Variants in SCN10A observed in about 807,000 individuals in gnomAD.
SCN10A encodes sodium channel protein type 10 subunit alpha.
SCN10A carries 162 observed loss-of-function variants against 170.7 expected under a neutral mutation model. The observed-to-expected ratio is 0.95, with a 90% CI of 0.84 to 1.08. The LOEUF is 1.08. SCN10A is among the 50% of genes least tolerant of loss of function. The pLI, the probability that SCN10A is intolerant of heterozygous loss-of-function variation, is 0.00. For synonymous variants in SCN10A, 985 were observed against 904.6 expected, an observed-to-expected ratio of 1.09 and a Z score of -1.59; for missense variants, 2,527 against 2,436.9, an observed-to-expected ratio of 1.04 and a Z score of -0.78.
intron 1 of SCN10A, among the ~76,000 whole-genome samples, chr3:38,809,158 G>A (rs2064423990): frequency 6.6e-6 from 1 of 152,228 alleles, no homozygotes; most frequent in East Asian, 1.9e-4. Context: ...GGTTGACTTT[G>A]CAGTAGCAAA....
intron 1 of SCN10A, among the ~76,000 whole-genome samples, chr3:38,810,694 C>T (rs1444377951): frequency 1.3e-5 from 2 of 152,206 alleles, no homozygotes; most frequent in African/African-American, 4.8e-5. Flanking sequence ...TCTATGAGGG[C>T]AGACATGAAA....
At chr3:38,792,814 T>A (rs1010261404) in intron 2 of SCN10A, among the ~76,000 whole-genome samples, 3 of 152,100 alleles carry the variant, frequency 2.0e-5, no homozygotes, top group Admixed American at 2.0e-4. Context: ...ATGAAGAAGC[T>A]CTTGTTTAAA....
intron 5 of SCN10A, among the ~76,000 whole-genome samples, chr3:38,764,287 G>A (rs2063907881): frequency 6.6e-6 from 1 of 152,056 alleles, no homozygotes; most frequent in Middle Eastern, 3.2e-3. Flanking sequence ...ATTCTTTAAC[G>A]CTGATTTCTG....
At chr3:38,711,688 A>G in intron 23 of SCN10A, among the ~76,000 whole-genome samples, 1 of 152,248 alleles carries the variant, frequency 6.6e-6, no homozygotes, top group Admixed American at 6.5e-5. Flanking sequence ...ATGAACAGGT[A>G]GATGAAGGCA....
intron 1 of SCN10A, among the ~76,000 whole-genome samples, chr3:38,801,500 T>G (rs955928838): frequency 1.3e-5 from 2 of 152,186 alleles, no homozygotes; most frequent in Non-Finnish European, 2.9e-5. Context: ...TTACAATCTC[T>G]GGGGCAGGTC....
intron 15 of SCN10A, among the ~76,000 whole-genome samples, chr3:38,738,309 G>A (rs2063592706): frequency 6.6e-6 from 1 of 152,122 alleles, no homozygotes; most frequent in South Asian, 2.1e-4. Flanking sequence ...TAGGTGAAAT[G>A]GAGTCATCTT....
In SCN10A at chr3:38,726,990, C is replaced by T. The variant is rs142531478; in HGVS notation, c.2703G>A (p.Pro901=). 5.2e-5 allele frequency: 84 copies of T among 1,614,210 alleles called. No homozygotes were observed. The highest frequency in any genetic ancestry group is 1.8e-4 in the Admixed American group (11 of 60,028). The part of the protein sequence containing the change: ...NSFSADNLTA[P]EDDGEVNNLQ... ...GGTTGTTCACCTCCCCATCGTCCTC[C>T]GGGGCTGTGAGGTTGTCAGCACTGA... Residue 901 remains proline (P), a synonymous_variant, in exon 17 of 28, where the codon CCG becomes CCA. Coordinates refer to ENST00000449082, the MANE Select transcript of SCN10A (RefSeq NM_006514.4).
chr3:38,757,486 C>T (rs573274989), intron 8 of SCN10A, among the ~76,000 whole-genome samples: 1 of 152,308 alleles, frequency 6.6e-6, no homozygotes, highest in South Asian at 2.1e-4. Context: ...AGACTTAAAA[C>T]CTGAGCCTGT....
chr3:38,806,394 T>C (rs1018430684), intron 1 of SCN10A, among the ~76,000 whole-genome samples: 5 of 152,148 alleles, frequency 3.3e-5, no homozygotes, highest in South Asian at 2.1e-4. Context: ...TATCACATGA[T>C]CTGAAAGTGT....
At chr3:38,800,754 G>C (rs2064365959) in intron 1 of SCN10A, among the ~76,000 whole-genome samples, 1 of 152,094 alleles carries the variant, frequency 6.6e-6, no homozygotes, top group African/African-American at 2.4e-5. Context: ...TGAGAACAGA[G>C]TGGAATTTGG....
At chr3:38,715,359 T>C (rs2063323999) in intron 21 of SCN10A, among the ~76,000 whole-genome samples, 1 of 152,204 alleles carries the variant, frequency 6.6e-6, no homozygotes, top group African/African-American at 2.4e-5. Context: ...GCCCTAGTAC[T>C]GCACCATGCA....
chr3:38,809,625 T>C (rs990878231), intron 1 of SCN10A, among the ~76,000 whole-genome samples: 1 of 152,208 alleles, frequency 6.6e-6, no homozygotes, highest in Admixed American at 6.6e-5. Context: ...GACACAGGTC[T>C]GTAATAAACC....
chr3:38,715,626 G>T (rs2063327209), intron 21 of SCN10A, among the ~76,000 whole-genome samples: 1 of 152,076 alleles, frequency 6.6e-6, no homozygotes, highest in South Asian at 2.1e-4. Context: ...GCAGCTCCTT[G>T]GTCCTGCTCA....
chr3:38,806,208 C>T (rs2064403559), intron 1 of SCN10A, among the ~76,000 whole-genome samples: 1 of 152,090 alleles, frequency 6.6e-6, no homozygotes, highest in South Asian at 2.1e-4. Context: ...AAGAAAGTGC[C>T]TAATAGGGCA....
intron 6 of SCN10A, among the ~76,000 whole-genome samples, chr3:38,761,827 T>TGTGTGG (rs1344163302): frequency 3.0e-5 from 4 of 134,588 alleles, no homozygotes; most frequent in African/African-American, 1.4e-4. Flanking sequence ...TGTGTGTGTG[T>TGTGTGG]GTGTGTGTGT....
chr3:38,713,466 G>A (rs527556006), intron 22 of SCN10A, among the ~76,000 whole-genome samples: 10 of 152,294 alleles, frequency 6.6e-5, no homozygotes, highest in African/African-American at 1.2e-4. Context: ...CAAAGGGGGT[G>A]AGGTCTGGGT....
At chr3:38,730,414 C>A in intron 15 of SCN10A, among the ~76,000 whole-genome samples, 1 of 152,154 alleles carries the variant, frequency 6.6e-6, no homozygotes, top group South Asian at 2.1e-4. Flanking sequence ...GAGGAACCTG[C>A]CTTTATCTCA....
chr3:38,697,874 T>C lies in SCN10A; in HGVS notation c.5346A>G (p.Arg1782=), dbSNP rs1375111083. Residue 1782 remains arginine (R), a synonymous_variant, in exon 28 of 28, where the codon CGA becomes CGG. Transcript: ENST00000449082. ...GCAGGTCCATCTGGATCAGTATATT[T>C]CGATTGGGTTTTGGGATTCTCAGGG... is the stretch of plus-strand genomic sequence containing the variant. The part of the protein sequence containing the change: ...SGPLRIPKPN[R]NILIQMDLPL... 3 of 1,614,068 alleles carry C rather than the reference T, an allele frequency of 1.9e-6. No homozygotes were observed. The Admixed American group carries it at 5.0e-5, about 27-fold the overall frequency.
In SCN10A at chr3:38,697,416, C is replaced by T. The variant is rs764945982; in HGVS notation, c.5804G>A (p.Arg1935Lys). The change falls in exon 28 of 28, where the codon AGG becomes AAG. Residue 1935 changes from arginine (R) to lysine (K), a missense_variant. Arg to Lys is a conservative substitution (Grantham distance 26). Coordinates refer to ENST00000449082, the MANE Select transcript of SCN10A (RefSeq NM_006514.4). ...TRGLSDRVNM[R>K]TSSSIQNEDE... ...TTCATTTTGTATTGAGCTAGATGTCCTCATGTTGACTCTATCACTAAGGCC... is the reference window on the plus strand; with the variant it reads ...TTCATTTTGTATTGAGCTAGATGTCTTCATGTTGACTCTATCACTAAGGCC... 8 of 1,614,086 alleles carry T rather than the reference C, an allele frequency of 5.0e-6. No individual in the cohort carries two copies. In the Admixed American group the frequency reaches 5.0e-5, roughly 10 times the overall value.
Sources: allele counts gnomAD v4.1 joint callset (sites outside exome capture counted in the v4.1 genomes callset), GRCh38; gene constraint gnomAD v4.1.1; transcripts MANE v1.5; gene names NCBI Gene and HGNC (gene_info 2026-07-23, HGNC 2026-07-21).